Variants in ZNF782 observed in about 807,000 individuals in gnomAD.
ZNF782 encodes zinc finger protein 782.
Under a neutral mutation model 13.0 loss-of-function variants are expected in ZNF782, and 12 were observed. That is an observed-to-expected ratio of 0.92 (90% CI 0.59 to 1.50). The LOEUF is 1.50. Among genes scored for constraint, ZNF782 ranks in the 40% most tolerant of loss-of-function variants. The pLI, the probability that ZNF782 is intolerant of heterozygous loss-of-function variation, is 0.00. For missense variants in ZNF782, 770 were observed against 822.9 expected, an observed-to-expected ratio of 0.94 and a Z score of 0.79; for synonymous variants, 284 against 283.0, an observed-to-expected ratio of 1.00 and a Z score of -0.04.
intron 3 of ZNF782, among the ~76,000 whole-genome samples, chr9:96,851,492 G>A (rs1412380203): frequency 1.3e-5 from 2 of 151,424 alleles, no homozygotes; most frequent in Admixed American, 6.6e-5. Context: ...AACTGAACAG[G>A]GAAACAGGAA....
the ZNF782 span, chr9:96,928,945 G>T: frequency 4.0e-6 from 6 of 1,503,924 alleles, no homozygotes; most frequent in Non-Finnish European, 5.5e-6. Context: ...GCTGAGTCAG[G>T]TCACTCTCTG....
At position 96,829,723 on chromosome 9, in the gene ZNF782, A is replaced by G. The variant is rs540876442; in HGVS notation, c.143-2542T>C. On this transcript the variant is annotated intron_variant, in intron 4 of 5. Transcript: ENST00000481138. ...ATAAGATGGGCCCTGAAACAAGTTT[A>G]AATAAACTTTAAAAGGATTAAAAAA... is the stretch of plus-strand genomic sequence containing the variant. Among the ~76,000 whole-genome samples, 4 of 152,316 alleles carry G rather than the reference A, an allele frequency of 2.6e-5. No homozygotes were observed. The South Asian group carries it at 8.3e-4, about 32-fold the overall frequency.
At position 96,819,513 on chromosome 9, in the gene ZNF782, T is replaced by C. The variant is rs1563993244; in HGVS notation, c.510A>G (p.Lys170=). 4 of 1,613,236 alleles carry C rather than the reference T, an allele frequency of 2.5e-6. No individual in the cohort carries two copies. The South Asian group carries it at 4.4e-5, about 18-fold the overall frequency. Residue 170 remains lysine (K), a synonymous_variant, in exon 6 of 6, where the codon AAA becomes AAG. Transcript: ENST00000481138. ...TGCCATCCTTAATACTGATGAGCCA[T>C]TTGTCACAAACATTACGCTCATGAG... ...EKAHERNVCD[K]WLISIKDGRT... is the part of the protein sequence containing the mutation.
chr9:96,846,582 T>C (rs1329223313), intron 3 of ZNF782, among the ~76,000 whole-genome samples: 3 of 151,192 alleles, frequency 2.0e-5, no homozygotes, highest in Non-Finnish European at 4.4e-5. Context: ...AGAAAATCAG[T>C]AAAAAAAAGA....
At chr9:96,884,125 C>T in the ZNF782 span, among the ~76,000 whole-genome samples, 3,061 of 152,258 alleles carry the variant, frequency 0.02, 174 homozygotes, top group East Asian at 0.24. Context: ...TTGGCAGGGC[C>T]GAGCACAGAG....
the ZNF782 span, among the ~76,000 whole-genome samples, chr9:96,925,250 G>A: frequency 1.3e-5 from 2 of 151,984 alleles, no homozygotes; most frequent in African/African-American, 2.4e-5. Flanking sequence ...GGGCCCCGCA[G>A]GAGATGGGGA....
chr9:96,876,995 G>GA (rs147014113), upstream of ZNF782, among the ~76,000 whole-genome samples: 6,352 of 72,984 alleles, frequency 0.087, 544 homozygotes, highest in African/African-American at 0.22. Context: ...AAAGAAAAAA[G>GA]AAAAAAAAAT....
chr9:96,828,401 G>A (rs1403706347), intron 4 of ZNF782, among the ~76,000 whole-genome samples: 1 of 152,096 alleles, frequency 6.6e-6, no homozygotes, highest in Non-Finnish European at 1.5e-5. Context: ...ATATGTAAAA[G>A]AATACAACAA....
intron 4 of ZNF782, among the ~76,000 whole-genome samples, chr9:96,834,588 T>C (rs1219148238): frequency 1.3e-5 from 2 of 152,200 alleles, no homozygotes; most frequent in Non-Finnish European, 2.9e-5. Context: ...ACATGCTTGC[T>C]CCCCTTCCAC....
chr9:96,899,863 C>T, the ZNF782 span, among the ~76,000 whole-genome samples: 5 of 151,804 alleles, frequency 3.3e-5, no homozygotes, highest in South Asian at 4.2e-4. Context: ...GCAGTGGCAC[C>T]GTCTTGGTTC....
chr9:96,838,721 T>TC (rs890922550), intron 4 of ZNF782, among the ~76,000 whole-genome samples: 2 of 150,680 alleles, frequency 1.3e-5, no homozygotes, highest in African/African-American at 4.9e-5. Context: ...TCTTTTCTTT[T>TC]TTTTTTTTTT....
At chr9:96,933,660 C>A in the ZNF782 span, 1 of 152,450 alleles carries the variant, frequency 6.6e-6, no homozygotes, top group African/African-American at 2.4e-5. Flanking sequence ...ACGTGAGCCA[C>A]CGCACCCACC....
upstream of ZNF782, among the ~76,000 whole-genome samples, chr9:96,857,581 CA>C (rs1851659150): frequency 6.6e-6 from 1 of 152,152 alleles, no homozygotes. Flanking sequence ...TTTGTCCAAC[CA>C]AACTAGAAGA....
chr9:96,933,225 G>A, the ZNF782 span, among the ~76,000 whole-genome samples: 1 of 151,176 alleles, frequency 6.6e-6, no homozygotes, highest in Non-Finnish European at 1.5e-5. Flanking sequence ...TGATTCTCCC[G>A]CCTCGGCCTC....
chr9:96,903,296 TAATAC>T, the ZNF782 span, among the ~76,000 whole-genome samples: 1 of 151,974 alleles, frequency 6.6e-6, no homozygotes, highest in South Asian at 2.1e-4. Flanking sequence ...ATAAATGAAA[TAATAC>T]AATATGTAAA....
chr9:96,930,263 G>A, the ZNF782 span, among the ~76,000 whole-genome samples: 5 of 152,122 alleles, frequency 3.3e-5, no homozygotes, highest in Non-Finnish European at 7.4e-5. Context: ...GGTGGCTCAC[G>A]CCTGTAATCC....
intron 1 of ZNF782, among the ~76,000 whole-genome samples, chr9:96,870,691 A>G (rs1031070903): frequency 6.6e-6 from 1 of 152,250 alleles, no homozygotes; most frequent in Non-Finnish European, 1.5e-5. Context: ...GATTTTAAAG[A>G]TAACTTTTCT....
Position 96,818,099 on chromosome 9 carries a change from C to A in ZNF782, c.1924G>T (p.Gly642Trp). The change falls in exon 6 of 6, where the codon GGG (glycine) becomes TGG (tryptophan). Residue 642 changes from glycine (G) to tryptophan (W), a missense_variant. Gly to Trp is a radical substitution (Grantham distance 184). Transcript: ENST00000481138. ...TGATTACAATTATATGGTTTCTCCC[C>A]GGTGTGAGTTCGCTGATGTTTTCTT... ...VLRKHQRTHTGEKPYNCNQCG... is the reference protein window; with the variant it reads ...VLRKHQRTHTWEKPYNCNQCG... 1 of 1,613,796 alleles carries A rather than the reference C, an allele frequency of 6.2e-7. No individual in the cohort carries two copies. Among genetic ancestry groups the A allele is most frequent in the Non-Finnish European group, 8.5e-7 (1 of 1,179,960 alleles).
intron 1 of ZNF782, chr9:96,875,456 C>T (rs1390160151): frequency 4.4e-6 from 2 of 456,484 alleles, no homozygotes; most frequent in Admixed American, 2.3e-5. Context: ...CCCGCCCTCG[C>T]CCCCCGCTTA....
Sources: gnomAD v4.1 joint callset for allele counts (sites outside exome capture counted in the v4.1 genomes callset) on GRCh38, gnomAD v4.1.1 for gene constraint, MANE v1.5 for transcripts, NCBI Gene and HGNC (gene_info 2026-07-23, HGNC 2026-07-21) for gene names.